The following MAP4K3 variants were observed in gnomAD, a reference collection of about 807,000 sequenced individuals.
The protein encoded by MAP4K3 is mitogen-activated protein kinase kinase kinase kinase 3.
Under a neutral mutation model 143.5 loss-of-function variants are expected in MAP4K3, and 94 were observed. The ratio of observed to expected loss-of-function variants is 0.65; its 90% CI spans 0.55 to 0.78. The LOEUF is 0.78. MAP4K3 is among the 30% of genes least tolerant of loss of function. The pLI is 0.00. For synonymous variants in MAP4K3, 416 were observed against 347.2 expected (o/e 1.20, Z -2.20); for missense variants, 1,077 against 1,068.1 (o/e 1.01, Z -0.12).
intron 15 of MAP4K3, among the ~76,000 whole-genome samples, chr2:39,302,118 A>G (rs1040831549): frequency 1.3e-5 from 2 of 152,174 alleles, no homozygotes; most frequent in African/African-American, 2.4e-5. Flanking sequence ...TAAAATAACT[A>G]AAGTAATATA....
chr2:39,368,278 A>T (rs1465020198), intron 2 of MAP4K3, among the ~76,000 whole-genome samples: 1 of 152,214 alleles, frequency 6.6e-6, no homozygotes, highest in Non-Finnish European at 1.5e-5. Context: ...GGAAAAATAG[A>T]GCACGGTGTA....
chr2:39,436,716 A>C (rs1665495362), intron 1 of MAP4K3, 176 bp downstream of exon 1: 1 of 602,818 alleles, frequency 1.7e-6, no homozygotes, highest in Non-Finnish European at 2.9e-6. Context: ...CTCGGGGTTA[A>C]ACATTCGGCC....
At chr2:39,302,238 C>A (rs1015511083) in intron 15 of MAP4K3, among the ~76,000 whole-genome samples, 1 of 152,024 alleles carries the variant, frequency 6.6e-6, no homozygotes, top group African/African-American at 2.4e-5. Flanking sequence ...CCAAGTCTTA[C>A]CAGGAAAGGT....
At chr2:39,434,979 C>T (rs997218983) in intron 1 of MAP4K3, among the ~76,000 whole-genome samples, 4 of 152,212 alleles carry the variant, frequency 2.6e-5, no homozygotes, top group African/African-American at 9.6e-5. Flanking sequence ...GGCTTAACTA[C>T]TAACTGTTCT....
chr2:39,291,246 G>A (rs567720190), intron 18 of MAP4K3, among the ~76,000 whole-genome samples: 1 of 152,194 alleles, frequency 6.6e-6, no homozygotes, highest in African/African-American at 2.4e-5. Flanking sequence ...ACAGAAATTT[G>A]TATTATAATT....
chr2:39,354,416 C>A (rs902461198), intron 3 of MAP4K3, among the ~76,000 whole-genome samples: 1 of 152,014 alleles, frequency 6.6e-6, no homozygotes, highest in Non-Finnish European at 1.5e-5. Context: ...GCACTCCAGC[C>A]TGGGTGACAG....
chr2:39,258,482 T>A, intron 30 of MAP4K3, 37 bp downstream of exon 30: 1 of 1,601,434 alleles, frequency 6.2e-7, no homozygotes, highest in East Asian at 2.2e-5. Flanking sequence ...ATAAAAGAAG[T>A]CTTATTAAAG....
intron 20 of MAP4K3, among the ~76,000 whole-genome samples, chr2:39,287,554 C>T (rs1251558802): frequency 3.3e-5 from 5 of 152,042 alleles, no homozygotes; most frequent in African/African-American, 1.2e-4. Flanking sequence ...CCACCTGCCT[C>T]GGCCTCCCAA....
chr2:39,290,957 T>C (rs964867623), intron 18 of MAP4K3, among the ~76,000 whole-genome samples: 3 of 152,014 alleles, frequency 2.0e-5, no homozygotes, highest in African/African-American at 7.2e-5. Context: ...CGGGTGCCTG[T>C]AGTCCCAGCA....
chr2:39,389,755 T>TA (rs1666602503), intron 1 of MAP4K3, among the ~76,000 whole-genome samples: 1 of 152,116 alleles, frequency 6.6e-6, no homozygotes, highest in South Asian at 2.1e-4. Context: ...AGATGTGCAA[T>TA]AACATATTCT....
rs9037 is a variant in MAP4K3 at position 39,249,341 on chromosome 2, T to C, written c.*1277A>G. On this transcript the variant is annotated 3_prime_UTR_variant, in exon 34 of 34. Coordinates refer to ENST00000263881, the MANE Select transcript of MAP4K3 (RefSeq NM_003618.4). The stretch of plus-strand genomic sequence containing the variant: ...TCAGGAACATATTTTAAAACCATTA[T>C]CATTAAAATAAATGAAGATCATAAA... 0.7 allele frequency: 106,055 copies of C among 152,516 alleles called. 40,557 individuals are homozygous for C. The highest frequency in any genetic ancestry group is 0.85 in the Non-Finnish European group (57,470 of 67,960). 9.4% of individuals were successfully genotyped at this position (152,516 alleles called of 1,614,324 possible). A position where few individuals can be genotyped will look rare whatever the true frequency, so the allele number is the denominator to read the frequency against.
In MAP4K3 at chr2:39,252,015, TGTTA is replaced by T; in HGVS notation, c.2542-134_2542-131del. ...GAAAACATATTCCTGCATGACTGTT[TGTTA>T]AAGTCAGCATGTAGATACATCAATT... is the stretch of plus-strand genomic sequence containing the variant. On this transcript the variant is annotated intron_variant, in intron 32 of 33. Coordinates refer to ENST00000263881, the MANE Select transcript of MAP4K3 (RefSeq NM_003618.4). The T allele has an allele frequency of 7.5e-6, 5 of 670,300 alleles. No homozygotes were observed. The South Asian group carries it at 8.7e-5, about 12-fold the overall frequency. The allele number at this position is 670,300 out of a possible 1,614,324, so 41.5% of individuals were successfully genotyped here.
At chr2:39,302,638 C>T (rs1390027931) in intron 15 of MAP4K3, among the ~76,000 whole-genome samples, 1 of 152,054 alleles carries the variant, frequency 6.6e-6, no homozygotes, top group Admixed American at 6.5e-5. Context: ...TCAAACTATC[C>T]CAAGATGATG....
chr2:39,375,435 T>TG (rs142922034), intron 2 of MAP4K3, among the ~76,000 whole-genome samples: 14 of 152,120 alleles, frequency 9.2e-5, no homozygotes, highest in African/African-American at 1.4e-4. Flanking sequence ...AAATCTGGAC[T>TG]GGGGGGGAAC....
chr2:39,359,875 G>A (rs1665717820), intron 2 of MAP4K3, among the ~76,000 whole-genome samples: 1 of 152,216 alleles, frequency 6.6e-6, no homozygotes, highest in Non-Finnish European at 1.5e-5. Context: ...GGGGAGCCCT[G>A]GGCCTGGCCC....
intron 28 of MAP4K3, among the ~76,000 whole-genome samples, chr2:39,263,127 T>C (rs1369155875): frequency 1.3e-5 from 2 of 152,052 alleles, no homozygotes; most frequent in Admixed American, 1.3e-4. Flanking sequence ...ATGCAAAAAC[T>C]GTCAGAAATG....
At chr2:39,251,716 T>A in intron 33 of MAP4K3, 114 bp downstream of exon 33, 1 of 841,054 alleles carries the variant, frequency 1.2e-6, no homozygotes. Flanking sequence ...GTGTGAAAAA[T>A]TCAATGTTGA....
intron 27 of MAP4K3, 73 bp downstream of exon 27, chr2:39,267,116 G>A: frequency 8.7e-6 from 12 of 1,372,074 alleles, no homozygotes; most frequent in South Asian, 2.3e-5. Context: ...AGAATGCCCT[G>A]GGGTAGTACT....
At chr2:39,329,101 T>C (rs1683601399) in intron 8 of MAP4K3, among the ~76,000 whole-genome samples, 1 of 152,204 alleles carries the variant, frequency 6.6e-6, no homozygotes, top group Non-Finnish European at 1.5e-5. Flanking sequence ...GTTCCCAAGA[T>C]ATTTCCCACA....
Sources: allele counts gnomAD v4.1 joint callset (sites outside exome capture counted in the v4.1 genomes callset), GRCh38; gene constraint gnomAD v4.1.1; transcripts MANE v1.5; gene names NCBI Gene and HGNC (gene_info 2026-07-23, HGNC 2026-07-21).